The following CRPPA variants were observed in gnomAD, a reference collection of about 807,000 sequenced individuals.
The protein encoded by CRPPA is CDP-L-ribitol pyrophosphorylase A.
Under a neutral mutation model 52.0 loss-of-function variants are expected in CRPPA, and 43 were observed. That is an observed-to-expected ratio of 0.83 (90% CI 0.65 to 1.07). CRPPA has a LOEUF of 1.07. Ranked by LOEUF, CRPPA falls within the 50% of genes least tolerant of loss-of-function variation. The pLI is 0.00. For missense variants in CRPPA, 629 were observed against 551.7 expected, an observed-to-expected ratio of 1.14 and a Z score of -1.40; for synonymous variants, 250 against 203.5, an observed-to-expected ratio of 1.23 and a Z score of -1.94.
chr7:16,321,295 C>T (rs919679975), intron 3 of CRPPA, among the ~76,000 whole-genome samples: 1 of 152,080 alleles, frequency 6.6e-6, no homozygotes, highest in Admixed American at 6.5e-5. Flanking sequence ...CCCTAAAATG[C>T]TTTACCCTAT....
intron 8 of CRPPA, among the ~76,000 whole-genome samples, chr7:16,254,717 C>A (rs1233214148): frequency 6.8e-6 from 1 of 146,416 alleles, no homozygotes; most frequent in Non-Finnish European, 1.5e-5. Context: ...TGCACAGGTA[C>A]CCTAGATCTT....
chr7:16,329,181 T>C (rs1416749347), intron 3 of CRPPA, among the ~76,000 whole-genome samples: 5 of 152,180 alleles, frequency 3.3e-5, no homozygotes, highest in Non-Finnish European at 7.3e-5. Context: ...GTCGGGCTTG[T>C]TCAAGACCCC....
chr7:16,397,471 C>G (rs368540262), intron 2 of CRPPA, among the ~76,000 whole-genome samples: 36 of 152,260 alleles, frequency 2.4e-4, no homozygotes, highest in African/African-American at 6.5e-4. Context: ...ACATGTGACT[C>G]ATAGTTGACA....
intron 2 of CRPPA, among the ~76,000 whole-genome samples, chr7:16,397,721 G>A (rs1399956924): frequency 3.3e-5 from 5 of 152,274 alleles, no homozygotes; most frequent in African/African-American, 7.2e-5. Flanking sequence ...TGCGACCAAC[G>A]TTTGAGACAT....
intron 1 of CRPPA, among the ~76,000 whole-genome samples, chr7:16,419,723 A>G (rs1295867339): frequency 6.6e-6 from 1 of 152,060 alleles, no homozygotes; most frequent in Non-Finnish European, 1.5e-5. Flanking sequence ...GAAGACACCA[A>G]GAAAACCTCA....
intron 8 of CRPPA, among the ~76,000 whole-genome samples, chr7:16,245,748 G>A (rs1783255169): frequency 6.6e-6 from 1 of 152,110 alleles, no homozygotes; most frequent in South Asian, 2.1e-4. Context: ...ACAATGAAAT[G>A]AGTCACAAGA....
rs1464828948 is a variant in CRPPA at position 16,087,710 on chromosome 7, T to C, written c.*3985A>G. 1 of 152,176 alleles carries C rather than the reference T, an allele frequency of 6.6e-6. No homozygotes were observed. The highest frequency in any genetic ancestry group is 1.5e-5 in the Non-Finnish European group (1 of 68,010). 9.4% of individuals were successfully genotyped at this position (152,176 alleles called of 1,614,324 possible). The stretch of plus-strand genomic sequence containing the variant: ...CAACCACCACCTACACAGCTACTTC[T>C]AGTCCACTGATTTTAAGCCATACTA... On this transcript the variant is annotated 3_prime_UTR_variant, in exon 10 of 10. Transcript: ENST00000407010.
chr7:16,205,012 A>T (rs2128394538), intron 9 of CRPPA, among the ~76,000 whole-genome samples: 1 of 152,314 alleles, frequency 6.6e-6, no homozygotes, highest in African/African-American at 2.4e-5. Context: ...ATTAAGCCCC[A>T]AATACAGACC....
chr7:16,336,922 T>G (rs564674558), intron 3 of CRPPA, among the ~76,000 whole-genome samples: 1 of 152,130 alleles, frequency 6.6e-6, no homozygotes, highest in South Asian at 2.1e-4. Context: ...GAGGTTAAAA[T>G]AGCAAGACCA....
intron 3 of CRPPA, among the ~76,000 whole-genome samples, chr7:16,337,553 G>T (rs1265492997): frequency 6.6e-6 from 1 of 151,734 alleles, no homozygotes; most frequent in East Asian, 1.9e-4. Flanking sequence ...CCAGGCAGAA[G>T]TAACTGAAAT....
At chr7:16,260,402 C>A (rs915646153) in intron 6 of CRPPA, among the ~76,000 whole-genome samples, 1 of 151,970 alleles carries the variant, frequency 6.6e-6, no homozygotes, top group Admixed American at 6.6e-5. Context: ...TTCCTACTAT[C>A]AAGGTTCTTT....
intron 8 of CRPPA, among the ~76,000 whole-genome samples, chr7:16,224,418 C>T (rs889187030): frequency 2.0e-5 from 3 of 151,980 alleles, no homozygotes; most frequent in East Asian, 1.9e-4. Flanking sequence ...AAAAGGCATG[C>T]GAAGGGAGTC....
intron 9 of CRPPA, among the ~76,000 whole-genome samples, chr7:16,134,609 A>G (rs927800045): frequency 7.2e-5 from 11 of 152,212 alleles, no homozygotes; most frequent in Non-Finnish European, 1.5e-4. Context: ...TCAATGCCCC[A>G]ACCCAATGTT....
intron 2 of CRPPA, among the ~76,000 whole-genome samples, chr7:16,400,724 G>A (rs940543328): frequency 4.6e-5 from 7 of 152,162 alleles, no homozygotes; most frequent in African/African-American, 7.2e-5. Flanking sequence ...TTTGTGACAC[G>A]TGACCAACAC....
chr7:16,092,777 G>A (rs1354311578), intron 9 of CRPPA, among the ~76,000 whole-genome samples: 1 of 152,152 alleles, frequency 6.6e-6, no homozygotes, highest in South Asian at 2.1e-4. Context: ...GATAAAGTCT[G>A]ATCCCATTAC....
intron 6 of CRPPA, among the ~76,000 whole-genome samples, chr7:16,264,832 T>C (rs2128414280): frequency 6.6e-6 from 1 of 152,328 alleles, no homozygotes; most frequent in South Asian, 2.1e-4. Context: ...CTTTTCTTTT[T>C]GTATGTGTGT....
chr7:16,243,901 A>G (rs1424250914), intron 8 of CRPPA, among the ~76,000 whole-genome samples: 1 of 152,172 alleles, frequency 6.6e-6, no homozygotes, highest in Non-Finnish European at 1.5e-5. Flanking sequence ...TGGGAGATGG[A>G]GGCTTCATTG....
At chr7:16,215,621 A>C (rs1406404191) in intron 9 of CRPPA, among the ~76,000 whole-genome samples, 1 of 152,220 alleles carries the variant, frequency 6.6e-6, no homozygotes, top group Admixed American at 6.5e-5. Context: ...AATATCTTTA[A>C]CATAACATAA....
At chr7:16,130,965 G>A (rs1159540740) in intron 9 of CRPPA, among the ~76,000 whole-genome samples, 1 of 152,206 alleles carries the variant, frequency 6.6e-6, no homozygotes, top group Non-Finnish European at 1.5e-5. Context: ...GACACACTGA[G>A]AAGATGACCA....
Sources: gnomAD v4.1 joint callset for allele counts (sites outside exome capture counted in the v4.1 genomes callset) on GRCh38, gnomAD v4.1.1 for gene constraint, MANE v1.5 for transcripts, NCBI Gene and HGNC (gene_info 2026-07-23, HGNC 2026-07-21) for gene names.